GRAP2: variants seen among roughly 807,000 people sequenced by gnomAD.
The protein encoded by GRAP2 is GRB2 related adaptor protein 2.
Under a neutral mutation model 43.5 loss-of-function variants are expected in GRAP2, and 31 were observed. That is an observed-to-expected ratio of 0.71 (90% CI 0.54 to 0.96). The LOEUF (loss-of-function observed/expected upper bound fraction) is 0.96, where lower values mean the gene tolerates loss of function less well. Ranked by LOEUF, GRAP2 falls within the 40% of genes least tolerant of loss-of-function variation. The pLI is 0.00. For missense variants in GRAP2, 371 were observed against 424.4 expected (o/e 0.87, Z 1.11); for synonymous variants, 156 against 164.8 (o/e 0.95, Z 0.41).
chr22:39,931,488 A>G (rs2066754782), intron 1 of GRAP2, among the ~76,000 whole-genome samples: 2 of 152,240 alleles, frequency 1.3e-5, no homozygotes, highest in Non-Finnish European at 2.9e-5. Flanking sequence ...AGGATGGGGT[A>G]TTATAAGCCA....
At chr22:39,949,878 C>A (rs2066963702) in intron 2 of GRAP2, among the ~76,000 whole-genome samples, 1 of 152,172 alleles carries the variant, frequency 6.6e-6, no homozygotes, top group Non-Finnish European at 1.5e-5. Flanking sequence ...CTTTTTCCTC[C>A]TTCACTCATT....
chr22:39,965,304 C>T (rs751920243), intron 4 of GRAP2, among the ~76,000 whole-genome samples: 1 of 152,012 alleles, frequency 6.6e-6, no homozygotes, highest in African/African-American at 2.4e-5. Context: ...ACCTGGGAGG[C>T]GGAGGTTGCA....
intron 2 of GRAP2, among the ~76,000 whole-genome samples, chr22:39,954,825 A>G (rs1427888652): frequency 6.6e-6 from 1 of 152,246 alleles, no homozygotes; most frequent in Non-Finnish European, 1.5e-5. Flanking sequence ...GAGGTAGACA[A>G]TAACATTTGG....
intron 3 of GRAP2, among the ~76,000 whole-genome samples, chr22:39,958,061 C>T (rs1569213057): frequency 6.6e-6 from 1 of 152,156 alleles, no homozygotes; most frequent in Non-Finnish European, 1.5e-5. Flanking sequence ...TCCTCATCTC[C>T]CGACCCTTCC....
chr22:39,917,643 T>G (rs2066613679), intron 1 of GRAP2, among the ~76,000 whole-genome samples: 1 of 152,242 alleles, frequency 6.6e-6, no homozygotes, highest in Non-Finnish European at 1.5e-5. Context: ...GAACTATTCT[T>G]GCCCTAACTG....
chr22:39,909,738 A>G (rs1022779207), intron 1 of GRAP2, among the ~76,000 whole-genome samples: 1 of 152,226 alleles, frequency 6.6e-6, no homozygotes, highest in Admixed American at 6.5e-5. Context: ...TGATGAGGAG[A>G]TTAAAAAACA....
At chr22:39,930,620 C>A (rs944654150) in intron 1 of GRAP2, among the ~76,000 whole-genome samples, 4 of 152,210 alleles carry the variant, frequency 2.6e-5, no homozygotes, top group Admixed American at 6.5e-5. Flanking sequence ...GTTCACCCTG[C>A]CCTCCATTCC....
At chr22:39,934,201 C>T (rs1307478114) in intron 1 of GRAP2, among the ~76,000 whole-genome samples, 1 of 152,178 alleles carries the variant, frequency 6.6e-6, no homozygotes, top group Admixed American at 6.5e-5. Flanking sequence ...TTCAGCCAGG[C>T]TTTGCATGAC....
At chr22:39,946,646 A>G (rs2066925256) in intron 1 of GRAP2, among the ~76,000 whole-genome samples, 1 of 152,244 alleles carries the variant, frequency 6.6e-6, no homozygotes, top group Admixed American at 6.5e-5. Context: ...AGGAAATGGC[A>G]TCCGTCTAAT....
At chr22:39,949,471 G>A (rs1367500585) in intron 2 of GRAP2, among the ~76,000 whole-genome samples, 1 of 152,148 alleles carries the variant, frequency 6.6e-6, no homozygotes, top group African/African-American at 2.4e-5. Context: ...TCCAGGACCT[G>A]GACAGAACTC....
chr22:39,964,161 C>T (rs2067146806), intron 4 of GRAP2: 1 of 500,362 alleles, frequency 2.0e-6, no homozygotes, highest in Non-Finnish European at 3.5e-6. Flanking sequence ...GAAAAATAAA[C>T]TTTACATCCA....
chr22:39,894,384 A>C, the GRAP2 span, among the ~76,000 whole-genome samples: 1,181 of 123,682 alleles, frequency 9.5e-3, 11 homozygotes, highest in Middle Eastern at 0.032. Context: ...ACATGGACAC[A>C]GGAAGGGGAA....
At chr22:39,923,402 A>G (rs2090761035) in intron 1 of GRAP2, among the ~76,000 whole-genome samples, 1 of 152,176 alleles carries the variant, frequency 6.6e-6, no homozygotes, top group Non-Finnish European at 1.5e-5. Flanking sequence ...TTCATGCAGG[A>G]GGTTTCATTT....
intron 2 of GRAP2, among the ~76,000 whole-genome samples, chr22:39,948,738 A>G (rs1202032922): frequency 1.3e-5 from 2 of 151,992 alleles, no homozygotes; most frequent in South Asian, 2.1e-4. Context: ...TGTGTAGTAT[A>G]ATGACCCTAT....
chr22:39,917,944 G>A (rs1327654296), intron 1 of GRAP2, among the ~76,000 whole-genome samples: 7 of 152,178 alleles, frequency 4.6e-5, no homozygotes, highest in Non-Finnish European at 1.5e-5. Flanking sequence ...TAATGTGGCT[G>A]CTGTCACATC....
intron 1 of GRAP2, among the ~76,000 whole-genome samples, chr22:39,934,114 T>TA (rs2145611491): frequency 6.6e-6 from 1 of 152,322 alleles, no homozygotes; most frequent in Admixed American, 6.5e-5. Flanking sequence ...TTGACCCTGT[T>TA]ACGGTTTCTT....
At chr22:39,969,098 T>C (rs1487929820) in intron 6 of GRAP2, among the ~76,000 whole-genome samples, 1 of 152,196 alleles carries the variant, frequency 6.6e-6, no homozygotes, top group East Asian at 1.9e-4. Flanking sequence ...CCCCTCTAAA[T>C]GGAAGCTCCA....
intron 1 of GRAP2, among the ~76,000 whole-genome samples, chr22:39,945,217 G>A (rs966976634): frequency 6.6e-5 from 10 of 152,226 alleles, no homozygotes; most frequent in Non-Finnish European, 1.2e-4. Flanking sequence ...TTGTGATGGT[G>A]TTGTTTGGGA....
At chr22:39,908,376 GTCCACA>G (rs1410442332) in intron 1 of GRAP2, among the ~76,000 whole-genome samples, 1 of 152,122 alleles carries the variant, frequency 6.6e-6, no homozygotes, top group African/African-American at 2.4e-5. Context: ...AGGGCTGACT[GTCCACA>G]TCAATTATAC....
Sources: allele counts gnomAD v4.1 joint callset (sites outside exome capture counted in the v4.1 genomes callset), GRCh38; gene constraint gnomAD v4.1.1; transcripts MANE v1.5; gene names NCBI Gene and HGNC (gene_info 2026-07-23, HGNC 2026-07-21).